Variants in TPO observed in about 807,000 individuals in gnomAD.
TPO encodes thyroid microsomal antigen.
Under a neutral mutation model 96.9 loss-of-function variants are expected in TPO, and 78 were observed. The observed-to-expected ratio is 0.81, with a 90% CI of 0.67 to 0.97. TPO has a LOEUF of 0.97. TPO is among the 50% of genes least tolerant of loss of function. The pLI is 0.00. For synonymous variants in TPO, 547 were observed against 538.0 expected, an observed-to-expected ratio of 1.02 and a Z score of -0.23; for missense variants, 1,252 against 1,274.8, an observed-to-expected ratio of 0.98 and a Z score of 0.27.
intron 2 of TPO, among the ~76,000 whole-genome samples, chr2:1,420,092 T>C (rs1301330904): frequency 6.6e-6 from 1 of 152,222 alleles, no homozygotes; most frequent in East Asian, 1.9e-4. Flanking sequence ...TGGATTTATT[T>C]TATGAAACTT....
chr2:1,432,975 A>G (rs531883676), intron 3 of TPO, among the ~76,000 whole-genome samples: 31 of 152,264 alleles, frequency 2.0e-4, no homozygotes, highest in African/African-American at 7.0e-4. Flanking sequence ...CATTGAGCCA[A>G]TGCTCTGCAC....
chr2:1,395,600 G>A (rs1662067390), intron 1 of TPO, among the ~76,000 whole-genome samples: 1 of 152,158 alleles, frequency 6.6e-6, no homozygotes, highest in South Asian at 2.1e-4. Context: ...TCGTTAATGA[G>A]TGGTCTGGTT....
At chr2:1,524,606 GCTCA>G (rs1033519101) in intron 15 of TPO, among the ~76,000 whole-genome samples, 1 of 39,170 alleles carries the variant, frequency 2.6e-5, no homozygotes, top group Admixed American at 3.9e-4. Flanking sequence ...CCTCAAATCC[GCTCA>G]CTGTGTGCAA....
chr2:1,477,845 G>A, intron 8 of TPO: 1 of 985,446 alleles, frequency 1.0e-6, no homozygotes, highest in Non-Finnish European at 1.2e-6. Context: ...TAACTCCGGA[G>A]CTGGCGGCCC....
chr2:1,496,317 C>A (rs940867119), intron 12 of TPO, 120 bp downstream of exon 12: 10 of 1,276,024 alleles, frequency 7.8e-6, no homozygotes, highest in Non-Finnish European at 9.9e-6. Context: ...CAACGCCCTG[C>A]CTTACACCCT....
At chr2:1,430,794 G>A (rs1463698118) in intron 3 of TPO, among the ~76,000 whole-genome samples, 3 of 149,014 alleles carry the variant, frequency 2.0e-5, no homozygotes, top group African/African-American at 7.4e-5. Context: ...ACTGGTGTGG[G>A]GCCTATCAAG....
At chr2:1,536,994 A>AACC (rs1449881767) in intron 15 of TPO, among the ~76,000 whole-genome samples, 1 of 32,278 alleles carries the variant, frequency 3.1e-5, no homozygotes, top group Non-Finnish European at 5.4e-5. Flanking sequence ...CACTGTGTGC[A>AACC]ACCTCAAATC....
intron 7 of TPO, among the ~76,000 whole-genome samples, chr2:1,466,052 A>G (rs975667770): frequency 6.6e-6 from 1 of 152,128 alleles, no homozygotes; most frequent in African/African-American, 2.4e-5. Context: ...CTTTTAATAC[A>G]TTGAGCTATT....
intron 2 of TPO, among the ~76,000 whole-genome samples, chr2:1,422,551 G>A (rs113851784): frequency 6.6e-6 from 1 of 152,320 alleles, no homozygotes; most frequent in African/African-American, 2.4e-5. Context: ...CCGTCTTCCT[G>A]TTACCGCGTC....
chr2:1,388,401 C>G (rs1573054509), intron 1 of TPO, among the ~76,000 whole-genome samples: 1 of 152,214 alleles, frequency 6.6e-6, no homozygotes, highest in South Asian at 2.1e-4. Context: ...ACTCAAGCCT[C>G]AGCAATGGCG....
chr2:1,413,792 T>A, intron 1 of TPO: 1 of 965,264 alleles, frequency 1.0e-6, no homozygotes, highest in Non-Finnish European at 1.2e-6. Flanking sequence ...ATGGACTCAC[T>A]GGTGCTATCC....
chr2:1,521,172 G>T (rs1319349625), intron 15 of TPO, among the ~76,000 whole-genome samples: 2 of 152,140 alleles, frequency 1.3e-5, no homozygotes, highest in Non-Finnish European at 2.9e-5. Context: ...TGAATCATTT[G>T]CATTAATTTC....
At chr2:1,445,335 T>C (rs75778914) in intron 5 of TPO, among the ~76,000 whole-genome samples, 12 of 70,166 alleles carry the variant, frequency 1.7e-4, no homozygotes, top group East Asian at 5.3e-4. Flanking sequence ...GATCCAGTCA[T>C]TGCTGCAGGA....
intron 5 of TPO, among the ~76,000 whole-genome samples, chr2:1,445,864 C>T (rs11685779): frequency 7.7e-5 from 9 of 116,864 alleles, no homozygotes; most frequent in Middle Eastern, 6.0e-3. Context: ...GATCCAGTCA[C>T]TGCTGCAGGA....
intron 8 of TPO, among the ~76,000 whole-genome samples, chr2:1,479,082 C>T (rs573176701): frequency 5.9e-5 from 9 of 152,344 alleles, no homozygotes; most frequent in South Asian, 2.1e-4. Context: ...TTTCAAGCAG[C>T]GACTCAGACA....
chr2:1,537,055 CAAATCCCTG>C lies in TPO; in HGVS notation c.2619-3538_2619-3530del, dbSNP rs1381813433. On this transcript the variant is annotated intron_variant, in intron 15 of 16. Coordinates refer to ENST00000329066, the MANE Select transcript of TPO (RefSeq NM_001206744.2). Reference sequence around the variant, plus strand: ...ATACCCCCACTGTGTGCAACCTCCCCAAATCCCTGCCACTGTGTGCAACCTCACCAAATC... The same window carrying C: ...ATACCCCCACTGTGTGCAACCTCCCCCCACTGTGTGCAACCTCACCAAATC... Among the ~76,000 whole-genome samples, 54 of 42,120 alleles carry C rather than the reference CAAATCCCTG, an allele frequency of 1.3e-3. 3 individuals carry two copies. Among genetic ancestry groups the C allele is most frequent in the African/African-American group, 2.8e-3 (22 of 7,738 alleles). The allele number at this position is 42,120 out of a possible 152,430, so 27.6% of individuals were successfully genotyped here.
intron 7 of TPO, among the ~76,000 whole-genome samples, chr2:1,470,545 A>G (rs893502678): frequency 6.7e-6 from 1 of 149,344 alleles, no homozygotes; most frequent in Admixed American, 6.7e-5. Flanking sequence ...ATATATAAAT[A>G]TATTTTTCTA....
At chr2:1,385,781 CTCTAGT>C (rs1307257257) in intron 1 of TPO, among the ~76,000 whole-genome samples, 1 of 151,976 alleles carries the variant, frequency 6.6e-6, no homozygotes. Context: ...GCTCTTGCTT[CTCTAGT>C]TCTTTTAATT....
At chr2:1,410,285 G>A (rs1479989899), upstream of TPO, among the ~76,000 whole-genome samples, 2 of 152,174 alleles carry the variant, frequency 1.3e-5, no homozygotes, top group Non-Finnish European at 2.9e-5. Context: ...AGCTGGGGGC[G>A]AGGAAAACAA....
Sources: gnomAD v4.1 joint callset for allele counts (sites outside exome capture counted in the v4.1 genomes callset) on GRCh38, gnomAD v4.1.1 for gene constraint, MANE v1.5 for transcripts, NCBI Gene and HGNC (gene_info 2026-07-23, HGNC 2026-07-21) for gene names.